NELL1: variants seen among roughly 807,000 people sequenced by gnomAD.
NELL1 encodes neural EGFL like 1.
NELL1 carries 76 observed loss-of-function variants against 107.4 expected under a neutral mutation model. The ratio of observed to expected loss-of-function variants is 0.71; its 90% CI spans 0.59 to 0.86. The LOEUF is 0.86. Ranked by LOEUF, NELL1 falls within the 40% of genes least tolerant of loss-of-function variation. The probability of loss-of-function intolerance (pLI) is 0.00; values close to 1 mark genes in which losing one functional copy is unlikely to be tolerated. For synonymous variants in NELL1, 353 were observed against 341.2 expected (o/e 1.03, Z -0.38); for missense variants, 1,024 against 1,005.5 (o/e 1.02, Z -0.25).
At chr11:20,961,183 C>T (rs1460459064) in intron 12 of NELL1, among the ~76,000 whole-genome samples, 6 of 152,136 alleles carry the variant, frequency 3.9e-5, no homozygotes, top group Admixed American at 1.3e-4. Flanking sequence ...GCAACTCCTC[C>T]GTCTTAAGAG....
intron 15 of NELL1, among the ~76,000 whole-genome samples, chr11:21,415,480 G>GT (rs1430540367): frequency 6.6e-6 from 1 of 152,012 alleles, no homozygotes; most frequent in African/African-American, 2.4e-5. Context: ...TTGTTGATCT[G>GT]TATGCATCTA....
At chr11:21,335,826 C>G (rs950243342) in intron 14 of NELL1, among the ~76,000 whole-genome samples, 1 of 152,050 alleles carries the variant, frequency 6.6e-6, no homozygotes, top group Non-Finnish European at 1.5e-5. Flanking sequence ...ATGGCCTTAA[C>G]ATGTTTTATA....
At position 20,690,824 on chromosome 11, in the gene NELL1, T is replaced by G. The variant is rs1264826799; in HGVS notation, c.184+12764T>G. On this transcript the variant is annotated intron_variant, in intron 2 of 19. Transcript: ENST00000357134. ...GTTTTTTCCAATTCTGTGAAGAAAG[T>G]CATTGGTAGCTTGATGGGGATGGCA... Among the ~76,000 whole-genome samples, 8 of 150,380 alleles carry G rather than the reference T, an allele frequency of 5.3e-5. No homozygotes were observed. The East Asian group carries it at 5.9e-4, about 11-fold the overall frequency.
chr11:21,112,544 T>C (rs891615918), intron 12 of NELL1, among the ~76,000 whole-genome samples: 2 of 152,154 alleles, frequency 1.3e-5, no homozygotes, highest in Non-Finnish European at 2.9e-5. Context: ...ACAGGATGAC[T>C]TTATGCCAGA....
intron 14 of NELL1, among the ~76,000 whole-genome samples, chr11:21,273,573 A>G (rs544829827): frequency 1.7e-3 from 257 of 152,328 alleles, no homozygotes; most frequent in Non-Finnish European, 3.4e-3. Flanking sequence ...ATGCTCCTCG[A>G]GAAGAGCAAC....
chr11:20,764,396 T>C (rs1420893698), intron 2 of NELL1, among the ~76,000 whole-genome samples: 3 of 152,004 alleles, frequency 2.0e-5, no homozygotes, highest in Admixed American at 6.6e-5. Flanking sequence ...CTTGGTGAAA[T>C]ATGGTGGGTT....
chr11:20,687,206 T>C (rs1361298867), intron 2 of NELL1, among the ~76,000 whole-genome samples: 6 of 152,048 alleles, frequency 3.9e-5, no homozygotes, highest in Non-Finnish European at 7.4e-5. Flanking sequence ...GATTTTTTCT[T>C]ATTATTTAAT....
intron 12 of NELL1, among the ~76,000 whole-genome samples, chr11:20,986,511 G>A (rs1436975065): frequency 6.6e-6 from 1 of 152,170 alleles, no homozygotes; most frequent in African/African-American, 2.4e-5. Context: ...TTTACCAGAT[G>A]CTGGTGGTTC....
intron 2 of NELL1, among the ~76,000 whole-genome samples, chr11:20,702,513 C>T (rs990950882): frequency 2.6e-5 from 4 of 152,040 alleles, no homozygotes; most frequent in Admixed American, 6.6e-5. Flanking sequence ...CCTTCTCCTG[C>T]GTGATTGCCC....
At chr11:20,758,474 C>A (rs1266119051) in intron 2 of NELL1, among the ~76,000 whole-genome samples, 1 of 152,156 alleles carries the variant, frequency 6.6e-6, no homozygotes, top group African/African-American at 2.4e-5. Context: ...GTATGCTAAG[C>A]TAAGGAGAGG....
At chr11:21,379,352 T>C (rs1477408865) in intron 15 of NELL1, among the ~76,000 whole-genome samples, 1 of 152,088 alleles carries the variant, frequency 6.6e-6, no homozygotes, top group Non-Finnish European at 1.5e-5. Flanking sequence ...CTCCTCCACA[T>C]TTGTTCAGAA....
chr11:21,450,736 A>G (rs953059496), intron 15 of NELL1, among the ~76,000 whole-genome samples: 2 of 152,212 alleles, frequency 1.3e-5, no homozygotes, highest in African/African-American at 4.8e-5. Flanking sequence ...AACTGCATAC[A>G]GTATGACTCA....
chr11:21,388,441 T>C (rs1851795455), intron 15 of NELL1, among the ~76,000 whole-genome samples: 1 of 151,858 alleles, frequency 6.6e-6, no homozygotes, highest in Non-Finnish European at 1.5e-5. Flanking sequence ...AGAGCTTCTG[T>C]ATTTGAGAAC....
intron 12 of NELL1, among the ~76,000 whole-genome samples, chr11:20,997,323 A>G (rs191564079): frequency 6.6e-6 from 1 of 152,310 alleles, no homozygotes; most frequent in Admixed American, 6.5e-5. Flanking sequence ...AAGCTAAAGG[A>G]CAAGATACAG....
chr11:21,364,775 A>G (rs1315524169), intron 14 of NELL1, among the ~76,000 whole-genome samples: 1 of 152,170 alleles, frequency 6.6e-6, no homozygotes, highest in Non-Finnish European at 1.5e-5. Context: ...GTGGTAAATG[A>G]TTGTGCCTTA....
intron 14 of NELL1, among the ~76,000 whole-genome samples, chr11:21,236,752 A>G (rs529789932): frequency 6.6e-6 from 1 of 152,234 alleles, no homozygotes; most frequent in Non-Finnish European, 1.5e-5. Context: ...TTATTCTGCA[A>G]TTATAATATG....
rs112817906 is a variant in NELL1, at chr11:21,536,297, C to CCTAT, written c.1786+1786_1786+1789dup. On this transcript the variant is annotated intron_variant, in intron 16 of 19. Coordinates refer to ENST00000357134, the MANE Select transcript of NELL1 (RefSeq NM_006157.5). Reference sequence around the variant, plus strand: ...CAGGCAGTCCTCAGTATCTTTTGTTCCTATCTTTGTGTCTATGTGTATTCA... The same window carrying CCTAT: ...CAGGCAGTCCTCAGTATCTTTTGTTCCTATCTATCTTTGTGTCTATGTGTATTCA... 2.8e-3 allele frequency among the ~76,000 whole-genome samples: 419 copies of CCTAT among 152,172 alleles called. 1 individual carries two copies. The highest frequency in any genetic ancestry group is 9.8e-3 in the African/African-American group (406 of 41,540).
At chr11:20,852,864 C>T (rs368181353) in intron 4 of NELL1, among the ~76,000 whole-genome samples, 71 of 152,282 alleles carry the variant, frequency 4.7e-4, no homozygotes, top group African/African-American at 1.7e-3. Context: ...GAAGATAGGA[C>T]ATATTCATGT....
At chr11:21,551,506 C>G (rs1181831372) in intron 16 of NELL1, among the ~76,000 whole-genome samples, 1 of 151,716 alleles carries the variant, frequency 6.6e-6, no homozygotes. Context: ...CAAAAGAAGA[C>G]ATTTATGCAG....
Sources: allele counts gnomAD v4.1 joint callset (sites outside exome capture counted in the v4.1 genomes callset), GRCh38; gene constraint gnomAD v4.1.1; transcripts MANE v1.5; gene names NCBI Gene and HGNC (gene_info 2026-07-23, HGNC 2026-07-21).